NOL4: variants seen among roughly 807,000 people sequenced by gnomAD.
NOL4 encodes nucleolar protein 4.
Under a neutral mutation model 75.9 loss-of-function variants are expected in NOL4, and 17 were observed. The ratio of observed to expected loss-of-function variants is 0.22; its 90% CI spans 0.15 to 0.34. The LOEUF is 0.34. NOL4 is among the 10% of genes least tolerant of loss of function. The pLI, the probability that NOL4 is intolerant of heterozygous loss-of-function variation, is 1.00. For missense variants in NOL4, 614 were observed against 793.5 expected, an observed-to-expected ratio of 0.77 and a Z score of 2.72; for synonymous variants, 292 against 289.9, an observed-to-expected ratio of 1.01 and a Z score of -0.07.
At chr18:34,085,145 T>C (rs564356187) in intron 5 of NOL4, among the ~76,000 whole-genome samples, 2 of 152,346 alleles carry the variant, frequency 1.3e-5, no homozygotes, top group East Asian at 3.9e-4. Flanking sequence ...AAAATTTATT[T>C]GAATAAATTC....
intron 5 of NOL4, among the ~76,000 whole-genome samples, chr18:34,059,122 C>CATATATATAT (rs55773398): frequency 0.027 from 3,182 of 117,670 alleles, 64 homozygotes; most frequent in Middle Eastern, 0.044. Context: ...GATAGATATA[C>CATATATATAT]ATATATATAT....
chr18:33,952,892 C>G (rs2145683504), intron 8 of NOL4, among the ~76,000 whole-genome samples: 1 of 152,256 alleles, frequency 6.6e-6, no homozygotes, highest in East Asian at 1.9e-4. Flanking sequence ...CCATTGCACT[C>G]CAGCCTGGGC....
At chr18:34,076,092 C>G (rs2077731539) in intron 5 of NOL4, among the ~76,000 whole-genome samples, 1 of 152,186 alleles carries the variant, frequency 6.6e-6, no homozygotes. Context: ...TAATAGAGGA[C>G]AGTCAATAGC....
At chr18:34,055,623 A>G (rs941512383) in intron 5 of NOL4, among the ~76,000 whole-genome samples, 3 of 152,078 alleles carry the variant, frequency 2.0e-5, no homozygotes, top group Non-Finnish European at 4.4e-5. Flanking sequence ...AGTTTCTTGA[A>G]CATGTATATC....
intron 1 of NOL4, among the ~76,000 whole-genome samples, chr18:34,208,347 C>G (rs1405919003): frequency 6.6e-6 from 1 of 151,890 alleles, no homozygotes; most frequent in African/African-American, 2.4e-5. Context: ...CTCATGAGCC[C>G]TACCCTGACC....
intron 1 of NOL4, among the ~76,000 whole-genome samples, chr18:34,189,851 T>C (rs2034778107): frequency 6.6e-6 from 1 of 152,014 alleles, no homozygotes; most frequent in South Asian, 2.1e-4. Context: ...CAGTGCTCTA[T>C]GGACTTGGAG....
rs2067210385 is a variant in NOL4 at position 33,924,416 on chromosome 18, ACGGC to A, written c.1542+18645_1542+18648del. Among the ~76,000 whole-genome samples the A allele has an allele frequency of 1.2e-4, 18 of 152,302 alleles. No individual in the cohort carries two copies. In the South Asian group the frequency reaches 3.7e-3, roughly 32 times the overall value. On this transcript the variant is annotated intron_variant, in intron 9 of 10. Transcript: ENST00000261592. The stretch of plus-strand genomic sequence containing the variant: ...ATGCTGTTGGACAATATTTTAAACT[ACGGC>A]ATTAATCCCAGTGAGTACCTCTCTA...
At chr18:33,969,903 C>T (rs936888254) in intron 6 of NOL4, among the ~76,000 whole-genome samples, 3 of 152,118 alleles carry the variant, frequency 2.0e-5, no homozygotes, top group African/African-American at 7.2e-5. Context: ...ATTTTTTAGG[C>T]ACTTCAAAAT....
In NOL4 at chr18:33,929,873, T is replaced by G. The variant is rs186345009; in HGVS notation, c.1542+13192A>C. On this transcript the variant is annotated intron_variant, in intron 9 of 10. Coordinates refer to ENST00000261592, the MANE Select transcript of NOL4 (RefSeq NM_003787.5). ...AGAACAGTTCAAAAACCATGGAAAATTTAGAAGTTTATAACTTCTGTCATT... is the reference window on the plus strand; with the variant it reads ...AGAACAGTTCAAAAACCATGGAAAAGTTAGAAGTTTATAACTTCTGTCATT... 3.5e-3 allele frequency among the ~76,000 whole-genome samples: 526 copies of G among 152,190 alleles called. 3 individuals carry two copies. Among genetic ancestry groups the G allele is most frequent in the Middle Eastern group, 0.014 (4 of 294 alleles).
intron 5 of NOL4, among the ~76,000 whole-genome samples, chr18:34,077,622 T>C (rs2077809123): frequency 1.3e-5 from 2 of 152,012 alleles, no homozygotes; most frequent in African/African-American, 4.8e-5. Context: ...AACTAAAACC[T>C]ACCAAAGATC....
At position 34,223,298 on chromosome 18, in the gene NOL4, G is replaced by A. The variant is rs546346427; in HGVS notation, c.-45C>T. On this transcript the variant is annotated 5_prime_UTR_variant, in exon 1 of 11. Transcript: ENST00000261592. ...TGGCCGGATGCTCCCAGCGCACTTC[G>A]CACCTGTTCACCCTAGGCTCATGAA... is the stretch of plus-strand genomic sequence containing the variant. The A allele has an allele frequency of 6.2e-7, 1 of 1,601,136 alleles. No individual in the cohort carries two copies. Among genetic ancestry groups the A allele is most frequent in the Admixed American group, 1.7e-5 (1 of 59,662 alleles).
intron 1 of NOL4, among the ~76,000 whole-genome samples, chr18:34,149,248 A>G (rs920445484): frequency 4.0e-5 from 6 of 151,674 alleles, no homozygotes; most frequent in Admixed American, 4.0e-4. Context: ...ATAGGTCAAA[A>G]TATTTCTGGT....
At chr18:34,217,169 C>T (rs1207422875) in intron 1 of NOL4, among the ~76,000 whole-genome samples, 1 of 152,002 alleles carries the variant, frequency 6.6e-6, no homozygotes, top group African/African-American at 2.4e-5. Flanking sequence ...GAGACAGTAT[C>T]ACTTTTACAA....
chr18:34,140,806 AGT>A (rs2081117477), intron 1 of NOL4, among the ~76,000 whole-genome samples: 1 of 152,138 alleles, frequency 6.6e-6, no homozygotes, highest in South Asian at 2.1e-4. Flanking sequence ...ATGTTTTTGC[AGT>A]GGCTGATACT....
At chr18:34,195,743 G>C (rs968829282) in intron 1 of NOL4, among the ~76,000 whole-genome samples, 7 of 151,984 alleles carry the variant, frequency 4.6e-5, no homozygotes, top group Non-Finnish European at 1.0e-4. Flanking sequence ...CTAGTTGTAT[G>C]CATTTTATTT....
intron 1 of NOL4, among the ~76,000 whole-genome samples, chr18:34,150,298 A>G (rs1384251916): frequency 6.6e-6 from 1 of 151,636 alleles, no homozygotes; most frequent in Non-Finnish European, 1.5e-5. Flanking sequence ...ATATTAAAGG[A>G]GAAGAATAAA....
chr18:34,085,709 A>G lies in NOL4; in HGVS notation c.772+7756T>C, dbSNP rs371946240. On this transcript the variant is annotated intron_variant, in intron 5 of 10. Transcript: ENST00000261592. ...CAAACTCCCAAATAAGTGATCTTAA[A>G]TGTAAAAAGTAAATAACATTCCCTA... Among the ~76,000 whole-genome samples the G allele has an allele frequency of 2.6e-5, 4 of 152,354 alleles. No homozygotes were observed. The East Asian group carries it at 7.7e-4, about 29-fold the overall frequency.
intron 9 of NOL4, among the ~76,000 whole-genome samples, chr18:33,942,810 T>C (rs2068584443): frequency 6.6e-6 from 1 of 151,948 alleles, no homozygotes; most frequent in African/African-American, 2.4e-5. Context: ...GACCTTTAAA[T>C]TGGATACTAA....
Position 34,215,715 on chromosome 18 carries a change from A to C in NOL4, c.264+7275T>G, listed in dbSNP as rs139331691. ...TTGGGATATCTTGGTGAAAACACCC[A>C]ATAGAAAATCGAAAATACAGCTGAC... On this transcript the variant is annotated intron_variant, in intron 1 of 10. Coordinates refer to ENST00000261592, the MANE Select transcript of NOL4 (RefSeq NM_003787.5). Among the ~76,000 whole-genome samples the C allele has an allele frequency of 6.0e-3, 909 of 152,318 alleles. 7 individuals carry two copies. Among genetic ancestry groups the C allele is most frequent in the Admixed American group, 0.01 (154 of 15,312 alleles).
Sources: gnomAD v4.1 joint callset for allele counts (sites outside exome capture counted in the v4.1 genomes callset) on GRCh38, gnomAD v4.1.1 for gene constraint, MANE v1.5 for transcripts, NCBI Gene and HGNC (gene_info 2026-07-23, HGNC 2026-07-21) for gene names.